Variants in MCPH1 observed in about 807,000 individuals in gnomAD.
The protein encoded by MCPH1 is microcephalin.
MCPH1 carries 104 observed loss-of-function variants against 84.5 expected under a neutral mutation model. That is an observed-to-expected ratio of 1.23 (90% confidence interval 1.05 to 1.45). The LOEUF is 1.45. Ranked by LOEUF, MCPH1 falls within the 40% of genes most tolerant of loss-of-function variation. MCPH1 has a pLI of 0.00. For missense variants in MCPH1, 1,498 were observed against 1,005.7 expected, an observed-to-expected ratio of 1.49 and a Z score of -6.62; for synonymous variants, 514 against 366.8, an observed-to-expected ratio of 1.40 and a Z score of -4.58.
At chr8:6,498,676 C>G (rs1811575445) in intron 11 of MCPH1, among the ~76,000 whole-genome samples, 1 of 152,180 alleles carries the variant, frequency 6.6e-6, no homozygotes, top group South Asian at 2.1e-4. Context: ...TTGTATTTCT[C>G]ACTGTACTAT....
At chr8:6,577,552 C>G (rs907690481) in intron 12 of MCPH1, among the ~76,000 whole-genome samples, 1 of 152,214 alleles carries the variant, frequency 6.6e-6, no homozygotes, top group African/African-American at 2.4e-5. Flanking sequence ...TTCAAGACAA[C>G]TTTAGAACTT....
At chr8:6,562,620 A>C (rs1447551935) in intron 12 of MCPH1, 4 of 1,316,898 alleles carry the variant, frequency 3.0e-6, no homozygotes, top group Non-Finnish European at 3.0e-6. Context: ...TAGCATGTTC[A>C]CAAAGACAGA....
intron 12 of MCPH1, among the ~76,000 whole-genome samples, chr8:6,577,617 G>A (rs1286417466): frequency 6.6e-6 from 1 of 152,232 alleles, no homozygotes; most frequent in East Asian, 1.9e-4. Flanking sequence ...CTTGCATGAA[G>A]CTAAATCTTT....
chr8:6,431,299 T>C (rs1459334976), intron 3 of MCPH1, among the ~76,000 whole-genome samples, 200 bp from the exon 4 acceptor site: 1 of 152,336 alleles, frequency 6.6e-6, no homozygotes, highest in East Asian at 1.9e-4. Flanking sequence ...TCTGTTATAC[T>C]TAAATACCAG....
At chr8:6,551,241 T>G (rs1823599559) in intron 12 of MCPH1, among the ~76,000 whole-genome samples, 1 of 152,074 alleles carries the variant, frequency 6.6e-6, no homozygotes, top group Non-Finnish European at 1.5e-5. Flanking sequence ...TTTTTTTTTC[T>G]TCTTTCTCAT....
chr8:6,538,359 G>A (rs529165299), intron 12 of MCPH1, among the ~76,000 whole-genome samples: 4 of 152,252 alleles, frequency 2.6e-5, no homozygotes, highest in East Asian at 3.9e-4. Context: ...TGCTGGCCAC[G>A]CATCCCCCAG....
rs1052060599 is a variant in MCPH1, at chr8:6,644,242, G to C, written c.*1193G>C. On this transcript the variant is annotated 3_prime_UTR_variant, in exon 14 of 14. Coordinates refer to ENST00000344683, the MANE Select transcript of MCPH1 (RefSeq NM_024596.5). ...GATTGCTCCACTGCACTCCAGCCTGGGCAACAGAGTAACTCTCCTTCTCAA... is the reference window on the plus strand; with the variant it reads ...GATTGCTCCACTGCACTCCAGCCTGCGCAACAGAGTAACTCTCCTTCTCAA... 1.3e-5 allele frequency: 2 copies of C among 151,980 alleles called. No individual in the cohort carries two copies. Among genetic ancestry groups the C allele is most frequent in the Admixed American group, 6.6e-5 (1 of 15,256 alleles). 9.4% of individuals were successfully genotyped at this position (151,980 alleles called of 1,614,324 possible).
intron 13 of MCPH1, among the ~76,000 whole-genome samples, chr8:6,640,101 CGCGCGT>C (rs1441251952): frequency 5.2e-5 from 5 of 95,624 alleles, no homozygotes; most frequent in South Asian, 3.1e-4. Context: ...TGTGTGTGCG[CGCGCGT>C]GTGTGTGTGT....
At chr8:6,418,590 C>A (rs1395358617) in intron 3 of MCPH1, among the ~76,000 whole-genome samples, 2 of 151,860 alleles carry the variant, frequency 1.3e-5, no homozygotes, top group South Asian at 2.1e-4. Flanking sequence ...TTTATTTTAT[C>A]ATTTTTTTTT....
chr8:6,477,450 A>G lies in MCPH1; in HGVS notation c.1936-144A>G, dbSNP rs1808622090. ...TGGCCTGTTTTTTCCAGGAATATAA[A>G]GGTTTTTTTTCTTTGACATATGCTT... is the stretch of plus-strand genomic sequence containing the variant. On this transcript the variant is annotated intron_variant, in intron 9 of 13. Coordinates refer to ENST00000344683, the MANE Select transcript of MCPH1 (RefSeq NM_024596.5). 7.3e-6 allele frequency: 5 copies of G among 689,562 alleles called. 1 individual carries two copies. The South Asian group carries it at 9.1e-5, about 13-fold the overall frequency. The allele number at this position is 689,562 out of a possible 1,614,324, so 42.7% of individuals were successfully genotyped here.
intron 12 of MCPH1, among the ~76,000 whole-genome samples, chr8:6,507,360 A>G (rs1344388891): frequency 1.3e-5 from 2 of 152,140 alleles, no homozygotes; most frequent in African/African-American, 2.4e-5. Context: ...GTTCTCTAGA[A>G]ATTAAACCCT....
chr8:6,626,496 T>C lies in MCPH1; in HGVS notation c.2452+4805T>C, dbSNP rs2959796. On this transcript the variant is annotated intron_variant, in intron 13 of 13. Transcript: ENST00000344683. Reference sequence around the variant, plus strand: ...TTTGTTTTTTTTTTTTTTTTTGCGTTTTGAGAGAGCACACTTGTGGGTGGT... The same window carrying C: ...TTTGTTTTTTTTTTTTTTTTTGCGTCTTGAGAGAGCACACTTGTGGGTGGT... 2,342 of 903,986 alleles carry C rather than the reference T, an allele frequency of 2.6e-3. 47 individuals are homozygous for C. In the African/African-American group the frequency reaches 0.038, roughly 15 times the overall value. The allele number at this position is 903,986 out of a possible 1,614,324, so 56.0% of individuals were successfully genotyped here. A position where few individuals can be genotyped will look rare whatever the true frequency, so the allele number is the denominator to read the frequency against.
At chr8:6,626,290 C>A (rs1832066736) in intron 13 of MCPH1, 7 of 985,190 alleles carry the variant, frequency 7.1e-6, no homozygotes, top group African/African-American at 1.7e-5. Flanking sequence ...CTCACTTGCT[C>A]CCTGGAGAAT....
intron 11 of MCPH1, among the ~76,000 whole-genome samples, chr8:6,482,026 G>C (rs938221780): frequency 6.6e-6 from 1 of 152,200 alleles, no homozygotes; most frequent in African/African-American, 2.4e-5. Flanking sequence ...TCGTCCTTCA[G>C]TCCAGCCTGT....
At chr8:6,574,032 G>A (rs556089093) in intron 12 of MCPH1, among the ~76,000 whole-genome samples, 1 of 152,262 alleles carries the variant, frequency 6.6e-6, no homozygotes, top group South Asian at 2.1e-4. Context: ...AGAATAATGG[G>A]CAACTCACAG....
intron 12 of MCPH1, among the ~76,000 whole-genome samples, chr8:6,579,579 T>C (rs568238357): frequency 2.0e-5 from 3 of 152,222 alleles, no homozygotes; most frequent in Non-Finnish European, 2.9e-5. Flanking sequence ...TAGTATGTAG[T>C]GTTTGGACTT....
rs1808663069 is a variant in MCPH1, at chr8:6,477,694, A to G, written c.1973+63A>G. On this transcript the variant is annotated intron_variant, in intron 10 of 13. Transcript: ENST00000344683. ...TTAACCTTTTCTCTCTTATACTCTA[A>G]TTCTGGGTGCCTTTAGGCAACTTGT... is the stretch of plus-strand genomic sequence containing the variant. 9 of 1,400,124 alleles carry G rather than the reference A, an allele frequency of 6.4e-6. No individual in the cohort carries two copies. In the South Asian group the frequency reaches 1.0e-4, roughly 16 times the overall value. The allele number at this position is 1,400,124 out of a possible 1,614,324, so 86.7% of individuals were successfully genotyped here.
In MCPH1 at chr8:6,409,281, G is replaced by A. The variant is rs754516485; in HGVS notation, c.25G>A (p.Val9Ile). Residue 9 changes from valine to isoleucine, a missense_variant and splice_region_variant, in exon 2 of 14, where the codon GTA becomes ATA. Coordinates refer to ENST00000344683, the MANE Select transcript of MCPH1 (RefSeq NM_024596.5). ...TCATGTTCATATCTTGTTTTCAGAT[G>A]TAGTGGCCTATGTTGAAGTGTGGTC... MAAPILKD[V>I]VAYVEVWSSN... 1.9e-6 allele frequency: 3 copies of A among 1,610,890 alleles called. No homozygotes were observed. The highest frequency in any genetic ancestry group is 2.5e-6 in the Non-Finnish European group (3 of 1,177,036).
intron 12 of MCPH1, among the ~76,000 whole-genome samples, chr8:6,549,613 C>T (rs911267846): frequency 2.7e-5 from 4 of 150,918 alleles, no homozygotes; most frequent in African/African-American, 9.8e-5. Context: ...GTTGGGCGGT[C>T]GTTACACAGG....
Sources: gnomAD v4.1 joint callset for allele counts (sites outside exome capture counted in the v4.1 genomes callset) on GRCh38, gnomAD v4.1.1 for gene constraint, MANE v1.5 for transcripts, NCBI Gene and HGNC (gene_info 2026-07-23, HGNC 2026-07-21) for gene names.